The following C21orf58 variants were observed in gnomAD, a reference collection of about 807,000 sequenced individuals.
C21orf58 encodes uncharacterized protein C21orf58.
In C21orf58, 34 loss-of-function variants were observed where a neutral mutation model predicts 35.8. That is an observed-to-expected ratio of 0.95 (90% CI 0.72 to 1.26). The LOEUF is 1.26. C21orf58 is among the 50% of genes most tolerant of loss of function. The pLI is 0.00. For missense variants in C21orf58, 440 were observed against 414.3 expected (o/e 1.06, Z -0.54); for synonymous variants, 191 against 175.8 (o/e 1.09, Z -0.68).
At position 46,322,930 on chromosome 21, in the gene C21orf58, G is replaced by A. The variant is rs1331022790; in HGVS notation, c.-192C>T. 4.4e-6 allele frequency: 2 copies of A among 452,412 alleles called. No individual in the cohort carries two copies. The highest frequency in any genetic ancestry group is 3.5e-5 in the East Asian group (1 of 28,570). 28.0% of individuals were successfully genotyped at this position (452,412 alleles called of 1,614,324 possible). On this transcript the variant is annotated 5_prime_UTR_variant, in exon 1 of 8. Coordinates refer to ENST00000291691, the MANE Select transcript of C21orf58 (RefSeq NM_058180.5). ...TCGTTACTGCTGCAAACAAGCACACGGCCCTCCACGACGAACCTTTTGCAA... is the reference window on the plus strand; with the variant it reads ...TCGTTACTGCTGCAAACAAGCACACAGCCCTCCACGACGAACCTTTTGCAA...
intron 6 of C21orf58, among the ~76,000 whole-genome samples, chr21:46,310,884 T>A (rs369055626): frequency 6.6e-6 from 1 of 152,028 alleles, no homozygotes; most frequent in Non-Finnish European, 1.5e-5. Context: ...TATTATTATT[T>A]TTGAGACAGA....
intron 5 of C21orf58, among the ~76,000 whole-genome samples, chr21:46,312,852 A>G (rs1231849703): frequency 6.6e-6 from 1 of 152,224 alleles, no homozygotes; most frequent in Non-Finnish European, 1.5e-5. Flanking sequence ...CCCAGCCCCC[A>G]TAACAACTTG....
rs903988252 is a variant in C21orf58, at chr21:46,309,955, C to G, written c.721+1501G>C. Among the ~76,000 whole-genome samples, 9 of 152,148 alleles carry G rather than the reference C, an allele frequency of 5.9e-5. No homozygotes were observed. In the South Asian group the frequency reaches 1.0e-3, roughly 18 times the overall value. On this transcript the variant is annotated intron_variant, in intron 6 of 7. Transcript: ENST00000291691. ...GAGGTTGCAGTGAGCCGAGATCACG[C>G]CACTGCACTCCAGCCTAGGCGACAG... is the stretch of plus-strand genomic sequence containing the variant.
At position 46,311,543 on chromosome 21, in the gene C21orf58, T is replaced by C. The variant is rs973676085; in HGVS notation, c.634A>G (p.Ile212Val). ...PTVPQPPATI[I>V]QQLPQQPLIA... ...AGTGGCTGCTGAGGGAGCTGCTGAA[T>C]GATGGTGGCAGGAGGCTGGGGGACC... is the stretch of plus-strand genomic sequence containing the variant. Residue 212 changes from isoleucine to valine, a missense_variant, in exon 6 of 8, where the codon ATT becomes GTT. Physicochemically the swap from Ile to Val is conservative, Grantham distance 29. Coordinates refer to ENST00000291691, the MANE Select transcript of C21orf58 (RefSeq NM_058180.5). The C allele has an allele frequency of 1.2e-6, 2 of 1,611,552 alleles. No homozygotes were observed. Among genetic ancestry groups the C allele is most frequent in the Admixed American group, 3.4e-5 (2 of 59,668 alleles).
intron 4 of C21orf58, chr21:46,315,252 A>C: frequency 1.7e-6 from 1 of 594,436 alleles, no homozygotes. Context: ...GCATCCCAGA[A>C]TTTCAGGTCC....
chr21:46,312,238 C>T (rs2082762546), intron 5 of C21orf58, among the ~76,000 whole-genome samples: 1 of 152,188 alleles, frequency 6.6e-6, no homozygotes, highest in African/African-American at 2.4e-5. Flanking sequence ...ATGTTTCCCA[C>T]ATTTCCTGTC....
At chr21:46,311,980 C>T (rs1569128871) in intron 5 of C21orf58, among the ~76,000 whole-genome samples, 3 of 130,284 alleles carry the variant, frequency 2.3e-5, no homozygotes, top group East Asian at 2.4e-4. Flanking sequence ...CCCACCCATC[C>T]ATCCACCCAT....
In C21orf58 at chr21:46,316,353, G is replaced by T. The variant is rs184337182; in HGVS notation, c.371-806C>A. On this transcript the variant is annotated intron_variant, in intron 3 of 7. Transcript: ENST00000291691. ...CACCTGTAATCTCAGCTACTCGGGA[G>T]GCTGAGGCACAAGAATTGTTTGAAC... Among the ~76,000 whole-genome samples the T allele has an allele frequency of 2.1e-3, 324 of 152,268 alleles. 2 individuals carry two copies. Among genetic ancestry groups the T allele is most frequent in the Middle Eastern group, 3.4e-3 (1 of 294 alleles).
At chr21:46,311,801 A>G (rs1278051047) in intron 5 of C21orf58, among the ~76,000 whole-genome samples, 5 of 149,926 alleles carry the variant, frequency 3.3e-5, no homozygotes, top group African/African-American at 1.2e-4. Context: ...CCAGCCAACC[A>G]ACCATTCATC....
chr21:46,300,724 A>G (rs1472430911), downstream of C21orf58: 4 of 1,287,256 alleles, frequency 3.1e-6, no homozygotes, highest in East Asian at 1.7e-4. Flanking sequence ...CCTACCTGCA[A>G]ACTTTCAAAG....
At chr21:46,321,547 C>A (rs114336379) in intron 1 of C21orf58, among the ~76,000 whole-genome samples, 40 of 152,230 alleles carry the variant, frequency 2.6e-4, no homozygotes, top group African/African-American at 8.4e-4. Context: ...TTGACAGTTT[C>A]GAAGAGTACT....
intron 6 of C21orf58, among the ~76,000 whole-genome samples, chr21:46,306,544 C>A (rs893894498): frequency 6.6e-6 from 1 of 152,136 alleles, no homozygotes; most frequent in Non-Finnish European, 1.5e-5. Context: ...GTTATACAAA[C>A]TCCCTCAGTA....
At chr21:46,309,611 A>C (rs1372728136) in intron 6 of C21orf58, among the ~76,000 whole-genome samples, 1 of 152,208 alleles carries the variant, frequency 6.6e-6, no homozygotes, top group African/African-American at 2.4e-5. Flanking sequence ...TTATTGATAC[A>C]CCCAACGACA....
intron 1 of C21orf58, 39 bp downstream of exon 1, chr21:46,322,600 G>A (rs778468502): frequency 1.4e-6 from 2 of 1,464,222 alleles, no homozygotes; most frequent in Non-Finnish European, 1.8e-6. Context: ...ACCCAATTCC[G>A]AGTCTGGGAA....
At chr21:46,321,901 C>CT (rs397867797) in intron 1 of C21orf58, among the ~76,000 whole-genome samples, 42,971 of 118,906 alleles carry the variant, frequency 0.36, 8,337 homozygotes, top group African/African-American at 0.44. Context: ...ATCTGGGCAG[C>CT]TTTTTTTTTT....
intron 6 of C21orf58, among the ~76,000 whole-genome samples, chr21:46,308,511 T>A (rs1438081377): frequency 6.6e-6 from 1 of 152,112 alleles, no homozygotes; most frequent in Non-Finnish European, 1.5e-5. Context: ...CTTCTAGGTA[T>A]TTACCCAAGA....
Position 46,318,180 on chromosome 21 carries a change from G to T in C21orf58, c.141C>A (p.Thr47=), listed in dbSNP as rs148426190. ...PGGKARPAGN[T]GAWAPAEQFF... ...ACTGCTCAGCAGGAGCCCAAGCACC[G>T]GTGTTGCCTGCAGGGCGGGCCTTAC... Residue 47 remains threonine, a synonymous_variant, in exon 2 of 8, where the codon ACC becomes ACA. Transcript: ENST00000291691. The T allele has an allele frequency of 1.9e-6, 3 of 1,612,910 alleles. No individual in the cohort carries two copies. Among genetic ancestry groups the T allele is most frequent in the East Asian group, 4.5e-5 (2 of 44,878 alleles).
At position 46,301,818 on chromosome 21, in the gene C21orf58, C is replaced by T. The variant is rs541008804; in HGVS notation, c.*181G>A. The T allele has an allele frequency of 8.6e-5, 109 of 1,262,180 alleles. No individual in the cohort carries two copies. The African/African-American group carries it at 1.5e-3, about 17-fold the overall frequency. The allele number at this position is 1,262,180 out of a possible 1,614,324, so 78.2% of individuals were successfully genotyped here. ...CAAGGGATGCCCCCTGGAATGGCCC[C>T]GTGACCAGAAAGCGAGCCTGCCCAG... On this transcript the variant is annotated 3_prime_UTR_variant, in exon 8 of 8. Transcript: ENST00000291691.
intron 5 of C21orf58, chr21:46,313,055 C>T (rs1192159864): frequency 6.1e-6 from 6 of 985,260 alleles, no homozygotes; most frequent in East Asian, 1.1e-4. Context: ...ACAGAAAGGA[C>T]GGCAGAGACC....
Sources: allele counts gnomAD v4.1 joint callset (sites outside exome capture counted in the v4.1 genomes callset), GRCh38; gene constraint gnomAD v4.1.1; transcripts MANE v1.5; gene names NCBI Gene and HGNC (gene_info 2026-07-23, HGNC 2026-07-21).